FCHO1: variants seen among roughly 807,000 people sequenced by gnomAD.
FCHO1 encodes the protein F-BAR domain only protein 1.
FCHO1 carries 45 observed loss-of-function variants against 114.4 expected under a neutral mutation model. The observed-to-expected ratio is 0.39, with a 90% CI of 0.31 to 0.50. FCHO1 has a LOEUF of 0.50. Among genes scored for constraint, FCHO1 ranks in the 20% least tolerant of loss-of-function variants. FCHO1 has a pLI of 0.77. For synonymous variants in FCHO1, 480 were observed against 488.9 expected (o/e 0.98, Z 0.24); for missense variants, 1,042 against 1,209.6 (o/e 0.86, Z 2.06).
chr19:17,771,263 A>G (rs1464127077), intron 9 of FCHO1, among the ~76,000 whole-genome samples: 1 of 151,964 alleles, frequency 6.6e-6, no homozygotes, highest in Non-Finnish European at 1.5e-5. Context: ...AAAAAATAAA[A>G]TAAATTCAAG....
chr19:17,768,775 CAT>C (rs1478690657), intron 7 of FCHO1, among the ~76,000 whole-genome samples: 1 of 150,284 alleles, frequency 6.7e-6, no homozygotes, highest in Admixed American at 6.6e-5. Context: ...AAACATCTAA[CAT>C]ATCTGCCTCA....
Position 17,784,287 on chromosome 19 carries a change from G to T in FCHO1, c.2226+52G>T. 1 of 1,548,224 alleles carries T rather than the reference G, an allele frequency of 6.5e-7. No homozygotes were observed. Reference sequence around the variant, plus strand: ...GAGGTGGTGGAGTGGGGGACACGGTGAGCCGGCAGCAGACATGGAGGCGCC... The same window carrying T: ...GAGGTGGTGGAGTGGGGGACACGGTTAGCCGGCAGCAGACATGGAGGCGCC... On this transcript the variant is annotated intron_variant, in intron 25 of 28. Coordinates refer to ENST00000596536, the MANE Select transcript of FCHO1 (RefSeq NM_015122.3). This position sits in a 1 kb window ranked among gnomAD's most constrained non-coding sequence, Gnocchi z 5.3.
Position 17,766,177 on chromosome 19 carries a change from AT to A in FCHO1, c.195-475del, listed in dbSNP as rs1205212543. Reference sequence around the variant, plus strand: ...AGTGCTGGGATTACAGGCGTGAACCATTTTTTTTTTTTTTTTTGAGATGGAG... The same window carrying A: ...AGTGCTGGGATTACAGGCGTGAACCATTTTTTTTTTTTTTTTGAGATGGAG... On this transcript the variant is annotated intron_variant, in intron 6 of 28. Transcript: ENST00000596536. Among the ~76,000 whole-genome samples the A allele has an allele frequency of 7.6e-3, 731 of 95,970 alleles. 2 individuals are homozygous for A. The highest frequency in any genetic ancestry group is 0.047 in the Middle Eastern group (5 of 106). The allele number at this position is 95,970 out of a possible 152,430, so 63.0% of individuals were successfully genotyped here.
intron 9 of FCHO1, among the ~76,000 whole-genome samples, chr19:17,771,487 T>G (rs1369137261): frequency 1.3e-5 from 2 of 149,778 alleles, no homozygotes; most frequent in African/African-American, 4.9e-5. Flanking sequence ...GCTAACACGG[T>G]GAAACCCCCT....
Position 17,781,803 on chromosome 19 carries a change from C to T in FCHO1, c.1920C>T (p.Phe640=). 1.2e-6 allele frequency: 2 copies of T among 1,602,812 alleles called. No individual in the cohort carries two copies. The highest frequency in any genetic ancestry group is 1.1e-5 in the South Asian group (1 of 89,398). Residue 640 remains phenylalanine, a synonymous_variant, in exon 23 of 29, where the codon TTC becomes TTT. Coordinates refer to ENST00000596536, the MANE Select transcript of FCHO1 (RefSeq NM_015122.3). Reference sequence around the variant, plus strand: ...TCACAGAGTATGTCCACGCCTACTTCCGTGGCCACAGCCCCAGGTACCCAG... The same window carrying T: ...TCACAGAGTATGTCCACGCCTACTTTCGTGGCCACAGCCCCAGGTACCCAG... ...TAFTEYVHAY[F]RGHSPSCLAR... is the part of the protein sequence containing the mutation.
At chr19:17,771,000 T>C in intron 9 of FCHO1, 104 bp downstream of exon 9, 1 of 975,624 alleles carries the variant, frequency 1.0e-6, no homozygotes, top group East Asian at 2.7e-5. Context: ...ACACCTGTAA[T>C]CCCAGCACTT....
intron 4 of FCHO1, among the ~76,000 whole-genome samples, chr19:17,761,959 TTTA>T (rs1219325355): frequency 4.3e-5 from 6 of 138,598 alleles, no homozygotes; most frequent in Admixed American, 8.0e-5. Context: ...CCAATTTATT[TTTA>T]TTTTTATTTC....
At chr19:17,768,852 T>C (rs2090382736) in intron 7 of FCHO1, among the ~76,000 whole-genome samples, 1 of 151,718 alleles carries the variant, frequency 6.6e-6, no homozygotes, top group Non-Finnish European at 1.5e-5. Context: ...AATTTTTAAG[T>C]GGTAAAAGCA....
Position 17,776,382 on chromosome 19 carries a change from A to G in FCHO1, c.1207+111A>G, listed in dbSNP as rs756664863. 32 of 1,354,804 alleles carry G rather than the reference A, an allele frequency of 2.4e-5. No individual in the cohort carries two copies. The highest frequency in any genetic ancestry group is 1.0e-4 in the Admixed American group (6 of 59,514). The allele number at this position is 1,354,804 out of a possible 1,614,324, so 83.9% of individuals were successfully genotyped here. A position where few individuals can be genotyped will look rare whatever the true frequency, so the allele number is the denominator to read the frequency against. On this transcript the variant is annotated intron_variant, in intron 17 of 28. Transcript: ENST00000596536. This position sits in a 1 kb window ranked among gnomAD's most constrained non-coding sequence, Gnocchi z 4.4. ...AACTTTGGGCAGGCTGCTTAACCAC[A>G]CTGACCTTCAGTCTCCTTTTCTGTA...
chr19:17,776,359 C>CT lies in FCHO1; in HGVS notation c.1207+91dup. Reference sequence around the variant, plus strand: ...CTTGAATCATAACTCCGTTTTGTAACTTTGGGCAGGCTGCTTAACCACACT... The same window carrying CT: ...CTTGAATCATAACTCCGTTTTGTAACTTTTGGGCAGGCTGCTTAACCACACT... On this transcript the variant is annotated intron_variant, in intron 17 of 28. Coordinates refer to ENST00000596536, the MANE Select transcript of FCHO1 (RefSeq NM_015122.3). The surrounding 1 kb of genome is among the most constrained non-coding windows in gnomAD (Gnocchi z 4.4). The CT allele has an allele frequency of 6.5e-7, 1 of 1,544,654 alleles. No individual in the cohort carries two copies.
Position 17,774,491 on chromosome 19 carries a change from C to T in FCHO1, c.920+13C>T. ...CACCTGCAGCTGTGTGAGGAAGCAC[C>T]CCTGCCCGGTCTGGCCCAGGCTAGA... On this transcript the variant is annotated intron_variant, in intron 13 of 28. Transcript: ENST00000596536. 6.2e-7 allele frequency: 1 copy of T among 1,609,730 alleles called. No individual in the cohort carries two copies.
intron 11 of FCHO1, among the ~76,000 whole-genome samples, chr19:17,773,364 G>A (rs2092046084): frequency 6.6e-6 from 1 of 152,232 alleles, no homozygotes; most frequent in Non-Finnish European, 1.5e-5. Context: ...CAGGCACACA[G>A]TAGGCACTCA....
rs754460155 is a variant in FCHO1, at chr19:17,772,487, A to G, written c.625A>G (p.Arg209Gly). The stretch of plus-strand genomic sequence containing the variant: ...CCAAGCCATGGAGGAGACACACCTG[A>G]GGCACATGAAGGCACTGCTGGGCTC... ...RFQAMEETHL[R>G]HMKALLGSYA... is the part of the protein sequence containing the mutation. The change falls in exon 10 of 29, where the codon AGG becomes GGG. Residue 209 changes from arginine (R) to glycine (G), a missense_variant. This residue lies in a region of FCHO1 where 450 missense variants were observed against 564.1 expected (regional missense o/e 0.80). Coordinates refer to ENST00000596536, the MANE Select transcript of FCHO1 (RefSeq NM_015122.3). The G allele has an allele frequency of 6.2e-7, 1 of 1,613,956 alleles. No homozygotes were observed. Among genetic ancestry groups the G allele is most frequent in the Non-Finnish European group, 8.5e-7 (1 of 1,179,984 alleles).
intron 20 of FCHO1, among the ~76,000 whole-genome samples, chr19:17,780,161 CTTTTTTTTTTT>C (rs11400972): frequency 1.9e-5 from 2 of 103,370 alleles, no homozygotes; most frequent in Non-Finnish European, 3.7e-5. Context: ...AGAAGAAGCT[CTTTTTTTTTTT>C]TTTTTTTTTG....
chr19:17,787,663 T>C lies in FCHO1; in HGVS notation c.2483-19T>C. The stretch of plus-strand genomic sequence containing the variant: ...ACGGGGGCTGGTGCCAGGGCGCAGC[T>C]GACTGCAGGTCTCCCCAGGTTCTGG... On this transcript the variant is annotated intron_variant, in intron 27 of 28. Coordinates refer to ENST00000596536, the MANE Select transcript of FCHO1 (RefSeq NM_015122.3). The C allele has an allele frequency of 3.2e-6, 5 of 1,543,568 alleles. No individual in the cohort carries two copies. The highest frequency in any genetic ancestry group is 4.4e-6 in the Non-Finnish European group (5 of 1,142,662).
chr19:17,776,675 C>A lies in FCHO1; in HGVS notation c.1248C>A (p.Pro416=). 3 of 1,613,730 alleles carry A rather than the reference C, an allele frequency of 1.9e-6. No individual in the cohort carries two copies. The highest frequency in any genetic ancestry group is 2.5e-6 in the Non-Finnish European group (3 of 1,179,920). ...AGKPQRPRSA[P]RTSSCAERLQ... Reference sequence around the variant, plus strand: ...AACCCCAGAGACCTCGGTCTGCCCCCAGAACCAGCAGGTGGGTTCCACACG... The same window carrying A: ...AACCCCAGAGACCTCGGTCTGCCCCAAGAACCAGCAGGTGGGTTCCACACG... Residue 416 remains proline, a synonymous_variant, in exon 18 of 29, where the codon CCC becomes CCA. Transcript: ENST00000596536. The surrounding 1 kb of genome is among the most constrained non-coding windows in gnomAD (Gnocchi z 4.4).
chr19:17,770,924 GACCCACACATGCCTTTGC>G, intron 9 of FCHO1, 28 bp downstream of exon 9: 1 of 1,584,842 alleles, frequency 6.3e-7, no homozygotes. Flanking sequence ...GTACCTTTAA[GACCCACACATGCCTTTGC>G]CCTGGAGGTT....
Position 17,751,818 on chromosome 19 carries a change from G to T in FCHO1, c.-183+241G>T, listed in dbSNP as rs375846928. On this transcript the variant is annotated intron_variant, in intron 1 of 28. Transcript: ENST00000596536. The surrounding 1 kb of genome is among the most constrained non-coding windows in gnomAD (Gnocchi z 4.4). ...GGAGCTTGGAAACCCAGAGAGCCAC[G>T]CGTGATGGTTTCAAACAGGAGGTCA... Among the ~76,000 whole-genome samples, 1 of 152,220 alleles carries T rather than the reference G, an allele frequency of 6.6e-6. No individual in the cohort carries two copies. The highest frequency in any genetic ancestry group is 1.5e-5 in the Non-Finnish European group (1 of 68,038).
In FCHO1 at chr19:17,766,795, C is replaced by G; in HGVS notation, c.321C>G (p.Leu107=). 1 of 1,613,946 alleles carries G rather than the reference C, an allele frequency of 6.2e-7. No individual in the cohort carries two copies. Among genetic ancestry groups the G allele is most frequent in the South Asian group, 1.1e-5 (1 of 91,034 alleles). ...KDVLRYGEEQ[L]KTHKKCKEEV... Reference sequence around the variant, plus strand: ...TTCTCCGCTACGGCGAGGAACAGCTCAAGACCCACAAGAAGGTGTGTGTCG... The same window carrying G: ...TTCTCCGCTACGGCGAGGAACAGCTGAAGACCCACAAGAAGGTGTGTGTCG... The change falls in exon 7 of 29, where the codon CTC becomes CTG. Residue 107 remains leucine (L), a synonymous_variant. Coordinates refer to ENST00000596536, the MANE Select transcript of FCHO1 (RefSeq NM_015122.3).
Sources: allele counts gnomAD v4.1 joint callset (sites outside exome capture counted in the v4.1 genomes callset), GRCh38; gene constraint gnomAD v4.1.1; regional missense constraint gnomAD v4.1.1; non-coding constraint Gnocchi (gnomAD v3.1); transcripts MANE v1.5; gene names NCBI Gene and HGNC (gene_info 2026-07-23, HGNC 2026-07-21).